The following NRG3 variants were observed in gnomAD, a reference collection of about 807,000 sequenced individuals.
NRG3 encodes pro-neuregulin-3, membrane-bound isoform.
A neutral mutation model predicts 66.9 loss-of-function variants in NRG3; 31 were observed. That is an observed-to-expected ratio of 0.46 (90% CI 0.35 to 0.63). The LOEUF (loss-of-function observed/expected upper bound fraction) is 0.63, where lower values mean the gene tolerates loss of function less well. Ranked by LOEUF, NRG3 falls within the 20% of genes least tolerant of loss-of-function variation. NRG3 has a pLI of 0.00. For synonymous variants in NRG3, 393 were observed against 359.4 expected, an observed-to-expected ratio of 1.09 and a Z score of -1.06; for missense variants, 910 against 878.9, an observed-to-expected ratio of 1.04 and a Z score of -0.45.
rs148144346 is a variant in NRG3 at position 82,516,255 on chromosome 10, G to C, written c.953+157387G>C. Among the ~76,000 whole-genome samples, 560 of 152,120 alleles carry C rather than the reference G, an allele frequency of 3.7e-3. 2 individuals carry two copies. The highest frequency in any genetic ancestry group is 5.7e-3 in the Non-Finnish European group (388 of 67,984). ...TGTCTATGACATTCTCACTCTCCCAGGTTGCTTCTTTTCTTTACAAAATCC... is the reference window on the plus strand; with the variant it reads ...TGTCTATGACATTCTCACTCTCCCACGTTGCTTCTTTTCTTTACAAAATCC... On this transcript the variant is annotated intron_variant, in intron 2 of 8. Transcript: ENST00000372141.
At chr10:82,908,568 G>A (rs1175719237) in intron 4 of NRG3, among the ~76,000 whole-genome samples, 3 of 152,204 alleles carry the variant, frequency 2.0e-5, no homozygotes, top group East Asian at 3.9e-4. Flanking sequence ...GAAATAAAAC[G>A]GCAATCAGTA....
chr10:81,959,842 C>T (rs1850185861), intron 1 of NRG3, among the ~76,000 whole-genome samples: 1 of 152,062 alleles, frequency 6.6e-6, no homozygotes, highest in African/African-American at 2.4e-5. Flanking sequence ...AGGTTACATG[C>T]ATATATGGTG....
intron 2 of NRG3, among the ~76,000 whole-genome samples, chr10:82,488,707 G>T (rs1039036319): frequency 6.6e-6 from 1 of 152,132 alleles, no homozygotes; most frequent in Non-Finnish European, 1.5e-5. Flanking sequence ...AACTCTGGGG[G>T]CTGTGAAGCC....
chr10:82,541,285 T>C (rs1396806498), intron 2 of NRG3, among the ~76,000 whole-genome samples: 1 of 152,216 alleles, frequency 6.6e-6, no homozygotes, highest in Non-Finnish European at 1.5e-5. Context: ...TATGTATATC[T>C]GTATGTAAAT....
chr10:82,718,879 A>G (rs994097430), intron 2 of NRG3, among the ~76,000 whole-genome samples: 2 of 152,236 alleles, frequency 1.3e-5, no homozygotes, highest in African/African-American at 4.8e-5. Flanking sequence ...AGGTCATTAA[A>G]GTTGTAATTG....
intron 2 of NRG3, among the ~76,000 whole-genome samples, chr10:82,710,617 A>C (rs12267852): frequency 0.061 from 8,415 of 139,032 alleles, 305 homozygotes; most frequent in East Asian, 0.12. Flanking sequence ...AAAAGAATTT[A>C]TTTCTGCAAA....
chr10:82,475,388 A>C (rs1400697055), intron 2 of NRG3, among the ~76,000 whole-genome samples: 6 of 152,120 alleles, frequency 3.9e-5, no homozygotes, highest in Admixed American at 6.5e-5. Context: ...CATACAACCT[A>C]CTAAGACTGA....
In NRG3 at chr10:82,049,038, A is replaced by G. The variant is rs184056433; in HGVS notation, c.823+172875A>G. Among the ~76,000 whole-genome samples the G allele has an allele frequency of 2.7e-3, 405 of 152,310 alleles. 3 individuals are homozygous for G. Among genetic ancestry groups the G allele is most frequent in the African/African-American group, 9.3e-3 (385 of 41,582 alleles). On this transcript the variant is annotated intron_variant, in intron 1 of 8. Coordinates refer to ENST00000372141, the MANE Select transcript of NRG3 (RefSeq NM_001010848.4). Reference sequence around the variant, plus strand: ...TCCTCGACACATACACCCTCCCAGGACTAAACCAGGAAGAAGTTGAATCTC... The same window carrying G: ...TCCTCGACACATACACCCTCCCAGGGCTAAACCAGGAAGAAGTTGAATCTC...
intron 3 of NRG3, among the ~76,000 whole-genome samples, chr10:82,778,498 C>T (rs564363773): frequency 1.3e-5 from 2 of 152,092 alleles, no homozygotes; most frequent in African/African-American, 4.8e-5. Context: ...GCTTATAAAA[C>T]CATCAGGCCT....
intron 1 of NRG3, among the ~76,000 whole-genome samples, chr10:82,271,724 T>A (rs1398887496): frequency 6.6e-6 from 1 of 152,110 alleles, no homozygotes; most frequent in Non-Finnish European, 1.5e-5. Context: ...TGCTGTCATA[T>A]TTAATGCATT....
chr10:82,717,253 T>C (rs2057027414), intron 2 of NRG3, among the ~76,000 whole-genome samples: 1 of 152,140 alleles, frequency 6.6e-6, no homozygotes, highest in Admixed American at 6.6e-5. Context: ...ATATAAATAA[T>C]TTTTTATAGT....
At chr10:82,314,324 C>T (rs2135028927) in intron 1 of NRG3, among the ~76,000 whole-genome samples, 1 of 152,182 alleles carries the variant, frequency 6.6e-6, no homozygotes, top group East Asian at 1.9e-4. Flanking sequence ...TTTGATGACA[C>T]TTCAAACTTT....
chr10:82,115,859 T>C (rs2067677863), intron 1 of NRG3, among the ~76,000 whole-genome samples: 1 of 152,108 alleles, frequency 6.6e-6, no homozygotes, highest in Non-Finnish European at 1.5e-5. Context: ...CAGAAGTGCT[T>C]AGGGGATGTT....
chr10:82,856,415 T>C (rs1456809305), intron 3 of NRG3, among the ~76,000 whole-genome samples: 1 of 152,046 alleles, frequency 6.6e-6, no homozygotes, highest in Non-Finnish European at 1.5e-5. Flanking sequence ...GGGGCTCAGT[T>C]GCACTACTTT....
intron 2 of NRG3, among the ~76,000 whole-genome samples, chr10:82,408,068 A>AGC (rs1366952584): frequency 4.4e-5 from 5 of 112,362 alleles, no homozygotes; most frequent in African/African-American, 1.6e-4. Context: ...AGAGAGAGAG[A>AGC]GAGAGAGAGA....
At chr10:82,411,941 A>G (rs2136161067) in intron 2 of NRG3, among the ~76,000 whole-genome samples, 1 of 152,262 alleles carries the variant, frequency 6.6e-6, no homozygotes, top group African/African-American at 2.4e-5. Flanking sequence ...GGAAAAAGAA[A>G]GCGAGATAAA....
chr10:82,464,159 C>A (rs547256416), intron 2 of NRG3, among the ~76,000 whole-genome samples: 9 of 152,178 alleles, frequency 5.9e-5, no homozygotes, highest in Non-Finnish European at 1.3e-4. Context: ...TGAAGGTCAG[C>A]TAGCTTTTAA....
At chr10:82,205,872 T>C (rs2075092483) in intron 1 of NRG3, among the ~76,000 whole-genome samples, 1 of 152,216 alleles carries the variant, frequency 6.6e-6, no homozygotes, top group Non-Finnish European at 1.5e-5. Flanking sequence ...TTTTCTTTGT[T>C]AGGATCACAT....
intron 1 of NRG3, among the ~76,000 whole-genome samples, chr10:81,893,417 G>T (rs959578625): frequency 2.0e-5 from 3 of 151,794 alleles, no homozygotes; most frequent in African/African-American, 7.3e-5. Flanking sequence ...ATAAAATTAT[G>T]CCCTGAACAT....
Sources: allele counts gnomAD v4.1 joint callset (sites outside exome capture counted in the v4.1 genomes callset), GRCh38; gene constraint gnomAD v4.1.1; transcripts MANE v1.5; gene names NCBI Gene and HGNC (gene_info 2026-07-23, HGNC 2026-07-21).